The following CNTN5 variants were observed in gnomAD, a reference collection of about 807,000 sequenced individuals.
The protein encoded by CNTN5 is contactin 5.
CNTN5 carries 77 observed loss-of-function variants against 129.1 expected under a neutral mutation model. The ratio of observed to expected loss-of-function variants is 0.60; its 90% CI spans 0.50 to 0.72. The LOEUF (loss-of-function observed/expected upper bound fraction) is 0.72. CNTN5 is among the 30% of genes least tolerant of loss of function. The pLI is 0.00. For synonymous variants in CNTN5, 509 were observed against 465.6 expected, an observed-to-expected ratio of 1.09 and a Z score of -1.20; for missense variants, 1,478 against 1,328.8, an observed-to-expected ratio of 1.11 and a Z score of -1.75.
intron 3 of CNTN5, among the ~76,000 whole-genome samples, chr11:99,744,103 A>G (rs750364315): frequency 5.9e-5 from 9 of 152,282 alleles, no homozygotes; most frequent in Admixed American, 1.3e-4. Context: ...CTTCCAAAGA[A>G]GGACCTCTGA....
intron 3 of CNTN5, among the ~76,000 whole-genome samples, chr11:99,621,969 C>T (rs772630800): frequency 6.6e-6 from 1 of 152,132 alleles, no homozygotes; most frequent in Non-Finnish European, 1.5e-5. Context: ...TGACTGAATT[C>T]TCTAACATCA....
At chr11:99,415,286 C>A (rs1043566795) in intron 2 of CNTN5, among the ~76,000 whole-genome samples, 5 of 151,678 alleles carry the variant, frequency 3.3e-5, no homozygotes, top group African/African-American at 1.2e-4. Context: ...TTTAATGAAG[C>A]AGGGACAGTG....
chr11:100,287,187 A>G lies in CNTN5; in HGVS notation c.2315-10438A>G, dbSNP rs879032801. Among the ~76,000 whole-genome samples the G allele has an allele frequency of 5.1e-3, 772 of 150,094 alleles. 9 individuals are homozygous for G. The highest frequency in any genetic ancestry group is 4.5e-3 in the Non-Finnish European group (303 of 67,400). On this transcript the variant is annotated intron_variant, in intron 18 of 24. Transcript: ENST00000524871. ...AACCAAGTTGGAAAACACTCTGCAG[A>G]ATATTATCCAGGAGAACTTCCCCAA...
intron 1 of CNTN5, among the ~76,000 whole-genome samples, chr11:99,261,119 C>G (rs73000241): frequency 0.043 from 6,512 of 151,880 alleles, 212 homozygotes; most frequent in Middle Eastern, 0.072. Flanking sequence ...AAAATACATG[C>G]ATATTATAAA....
intron 6 of CNTN5, among the ~76,000 whole-genome samples, chr11:99,900,024 G>A (rs61911643): frequency 1.2e-4 from 18 of 151,458 alleles, no homozygotes; most frequent in Non-Finnish European, 1.0e-4. Context: ...CGTTCATAAA[G>A]GTCATCATAC....
At chr11:99,617,593 A>C (rs538485956) in intron 3 of CNTN5, among the ~76,000 whole-genome samples, 1 of 152,190 alleles carries the variant, frequency 6.6e-6, no homozygotes, top group African/African-American at 2.4e-5. Context: ...ACAACTTATG[A>C]AACATTTTAG....
chr11:99,361,114 T>C (rs1205102901), intron 2 of CNTN5, among the ~76,000 whole-genome samples: 1 of 152,190 alleles, frequency 6.6e-6, no homozygotes, highest in Non-Finnish European at 1.5e-5. Context: ...CTTATTTTTA[T>C]CTGAGACCTC....
At chr11:99,801,710 G>A (rs1946119180) in intron 3 of CNTN5, among the ~76,000 whole-genome samples, 1 of 152,042 alleles carries the variant, frequency 6.6e-6, no homozygotes, top group South Asian at 2.1e-4. Flanking sequence ...TGTGCTTGGT[G>A]CAGTCTATTG....
At chr11:99,213,394 G>A (rs1384676726) in intron 1 of CNTN5, among the ~76,000 whole-genome samples, 5 of 133,176 alleles carry the variant, frequency 3.8e-5, no homozygotes, top group African/African-American at 9.4e-5. Flanking sequence ...ATATACACGT[G>A]TATATATACA....
chr11:99,062,433 A>G (rs10750186), intron 1 of CNTN5, among the ~76,000 whole-genome samples: 85,094 of 151,944 alleles, frequency 0.56, 23,860 homozygotes, highest in African/African-American at 0.62. Context: ...TCTGACAGAG[A>G]ACTTAAGCAG....
chr11:99,780,271 G>C (rs919164122), intron 3 of CNTN5, among the ~76,000 whole-genome samples: 5 of 152,036 alleles, frequency 3.3e-5, no homozygotes, highest in Non-Finnish European at 1.5e-5. Flanking sequence ...TTACAAGCAA[G>C]TGTGTGAATA....
intron 18 of CNTN5, among the ~76,000 whole-genome samples, chr11:100,276,423 T>C (rs2022986): frequency 0.79 from 119,138 of 150,846 alleles, 48,084 homozygotes; most frequent in East Asian, 0.95. Flanking sequence ...CCTGTAATTT[T>C]AGCTATTCAG....
chr11:99,510,129 A>G (rs1321819809), intron 2 of CNTN5, among the ~76,000 whole-genome samples: 1 of 152,094 alleles, frequency 6.6e-6, no homozygotes, highest in Non-Finnish European at 1.5e-5. Flanking sequence ...TTTAGCCTTT[A>G]TAATTATTGT....
At chr11:99,310,111 T>C (rs191991418) in intron 1 of CNTN5, among the ~76,000 whole-genome samples, 3 of 152,320 alleles carry the variant, frequency 2.0e-5, no homozygotes, top group Admixed American at 6.5e-5. Context: ...AATTATACAA[T>C]TCAAATATGT....
chr11:99,445,905 G>T (rs939605281), intron 2 of CNTN5, among the ~76,000 whole-genome samples: 2 of 151,914 alleles, frequency 1.3e-5, no homozygotes, highest in South Asian at 4.1e-4. Flanking sequence ...CAAACATGGT[G>T]AAACTCTGTC....
chr11:99,792,310 A>C (rs1164489073), intron 3 of CNTN5, among the ~76,000 whole-genome samples: 1 of 152,134 alleles, frequency 6.6e-6, no homozygotes, highest in East Asian at 1.9e-4. Flanking sequence ...ATAGGAAGGG[A>C]TGTTGAAATT....
At chr11:99,062,583 A>T (rs1864931165) in intron 1 of CNTN5, among the ~76,000 whole-genome samples, 1 of 152,162 alleles carries the variant, frequency 6.6e-6, no homozygotes, top group South Asian at 2.1e-4. Flanking sequence ...GACTAGGATA[A>T]TAAGGGTAGA....
At chr11:99,437,008 C>T (rs951338608) in intron 2 of CNTN5, among the ~76,000 whole-genome samples, 2 of 152,148 alleles carry the variant, frequency 1.3e-5, no homozygotes, top group African/African-American at 4.8e-5. Flanking sequence ...TTTCAGTGAA[C>T]TCCAACTGTC....
chr11:100,082,222 G>A (rs1186948002), intron 13 of CNTN5, among the ~76,000 whole-genome samples: 1 of 152,146 alleles, frequency 6.6e-6, no homozygotes, highest in African/African-American at 2.4e-5. Flanking sequence ...AGTAAATATA[G>A]TCATAGTCCA....
Sources: gnomAD v4.1 joint callset for allele counts (sites outside exome capture counted in the v4.1 genomes callset) on GRCh38, gnomAD v4.1.1 for gene constraint, MANE v1.5 for transcripts, NCBI Gene and HGNC (gene_info 2026-07-23, HGNC 2026-07-21) for gene names.